Variants in RAB44 observed in about 807,000 individuals in gnomAD.
The protein encoded by RAB44 is ras-related protein Rab-44.
Under a neutral mutation model 93.3 loss-of-function variants are expected in RAB44, and 67 were observed. The observed-to-expected ratio is 0.72, with a 90% CI of 0.59 to 0.88. The LOEUF (loss-of-function observed/expected upper bound fraction) is 0.88, where lower values mean the gene tolerates loss of function less well. RAB44 is among the 40% of genes least tolerant of loss of function. The probability of loss-of-function intolerance (pLI) is 0.00; values close to 1 mark genes in which losing one functional copy is unlikely to be tolerated. For synonymous variants in RAB44, 427 were observed against 520.3 expected, an observed-to-expected ratio of 0.82 and a Z score of 2.44; for missense variants, 1,064 against 1,261.7, an observed-to-expected ratio of 0.84 and a Z score of 2.37.
At chr6:36,714,508 C>T (rs1762866763) in intron 3 of RAB44, among the ~76,000 whole-genome samples, 1 of 152,186 alleles carries the variant, frequency 6.6e-6, no homozygotes, top group Non-Finnish European at 1.5e-5. Flanking sequence ...CAAAGCCCCC[C>T]AGAGTTCTCA....
intron 3 of RAB44, among the ~76,000 whole-genome samples, chr6:36,715,152 G>T (rs1283087085): frequency 1.3e-5 from 2 of 150,298 alleles, no homozygotes; most frequent in Non-Finnish European, 2.9e-5. Flanking sequence ...TCATCTCCAT[G>T]TTAGGGATTT....
At position 36,722,354 on chromosome 6, in the gene RAB44, A is replaced by G. The variant is rs1763111880; in HGVS notation, c.2220A>G (p.Ala740=). The G allele has an allele frequency of 7.5e-7, 1 of 1,330,166 alleles. No individual in the cohort carries two copies. The highest frequency in any genetic ancestry group is 1.5e-5 in the African/African-American group (1 of 67,264). 82.4% of individuals were successfully genotyped at this position (1,330,166 alleles called of 1,614,324 possible). Residue 740 remains alanine, a synonymous_variant, in exon 9 of 14, where the codon GCA becomes GCG. Transcript: ENST00000612677. ...AAGGCCCCACTCCTGGAAAATCGGCACCTCCAAGGGGCTCTCCTCCCAGGG... is the reference window on the plus strand; with the variant it reads ...AAGGCCCCACTCCTGGAAAATCGGCGCCTCCAAGGGGCTCTCCTCCCAGGG... The part of the protein sequence containing the change: ...EAEGPTPGKS[A]PPRGSPPRGA...
At position 36,718,589 on chromosome 6, in the gene RAB44, G is replaced by A. The variant is rs1762987309; in HGVS notation, c.828+1G>A. On this transcript the variant is annotated splice_donor_variant, in intron 7 of 13. Transcript: ENST00000612677. LOFTEE classifies it high-confidence loss of function. ...GCGACTAGCTGAGGGCCAGAGGGAG[G>A]TGAGTAATAGGGTTTCCCAGAAACC... 3 of 1,230,702 alleles carry A rather than the reference G, an allele frequency of 2.4e-6. No homozygotes were observed. The highest frequency in any genetic ancestry group is 8.2e-5 in the South Asian group (2 of 24,328). 76.2% of individuals were successfully genotyped at this position (1,230,702 alleles called of 1,614,324 possible). A position where few individuals can be genotyped will look rare whatever the true frequency, so the allele number is the denominator to read the frequency against.
chr6:36,728,320 A>G (rs1041857917), intron 11 of RAB44, among the ~76,000 whole-genome samples: 1 of 152,228 alleles, frequency 6.6e-6, no homozygotes, highest in Non-Finnish European at 1.5e-5. Flanking sequence ...ATTAATTGAT[A>G]GAATTGCTTT....
Position 36,728,788 on chromosome 6 carries a change from A to G in RAB44, c.2885A>G (p.Gln962Arg). 6.4e-7 allele frequency: 1 copy of G among 1,550,522 alleles called. No homozygotes were observed. The highest frequency in any genetic ancestry group is 8.7e-7 in the Non-Finnish European group (1 of 1,146,906). Residue 962 changes from glutamine to arginine, a missense_variant, in exon 12 of 14, where the codon CAG (glutamine) becomes CGG (arginine). Coordinates refer to ENST00000612677, the MANE Select transcript of RAB44 (RefSeq NM_001257357.2). ...EERQVSVEAGQQLAQELGVYF... is the reference protein window; with the variant it reads ...EERQVSVEAGRQLAQELGVYF... ...CGGCAAGTGTCCGTGGAAGCTGGGC[A>G]GCAACTGGCCCAGGTAAGCACTTGG...
Position 36,720,477 on chromosome 6 carries a change from C to T in RAB44, c.943C>T (p.Gln315Ter), listed in dbSNP as rs547868327. The T allele has an allele frequency of 1.6e-6, 2 of 1,233,172 alleles. No homozygotes were observed. The highest frequency in any genetic ancestry group is 8.2e-5 in the South Asian group (2 of 24,364). 76.4% of individuals were successfully genotyped at this position (1,233,172 alleles called of 1,614,324 possible). ...TGGGCGGCTGGAGGAGGTGCGGGGG[C>T]AGCTGCAGGTGACCAGGGGGCGCCT... ...LAGRLEEVRG[Q>*]LQVTRGRLDA... The change falls in exon 8 of 14, where the codon CAG becomes TAG. Residue 315 changes from glutamine to a stop codon, truncating the protein, a stop_gained. Transcript: ENST00000612677. LOFTEE classifies it high-confidence loss of function.
intron 2 of RAB44, among the ~76,000 whole-genome samples, 158 bp from the exon 3 acceptor site, chr6:36,713,670 T>C (rs1236782707): frequency 2.6e-5 from 4 of 152,048 alleles, no homozygotes; most frequent in Admixed American, 1.3e-4. Flanking sequence ...TGGGTGGGGT[T>C]GGGAATGTCA....
In RAB44 at chr6:36,723,700, T is replaced by C. The variant is rs374093855; in HGVS notation, c.2599+967T>C. On this transcript the variant is annotated intron_variant, in intron 9 of 13. Coordinates refer to ENST00000612677, the MANE Select transcript of RAB44 (RefSeq NM_001257357.2). ...AATACAAAAAATTAGCCGGGCATGG[T>C]GGCGGTTGCTTGTAGTCCCAGCTAC... Among the ~76,000 whole-genome samples the C allele has an allele frequency of 6.3e-4, 95 of 151,740 alleles. 2 individuals carry two copies. Among genetic ancestry groups the C allele is most frequent in the African/African-American group, 2.2e-3 (92 of 41,400 alleles).
chr6:36,725,787 G>A (rs2150340713), intron 9 of RAB44, 75 bp from the exon 10 acceptor site: 6 of 988,724 alleles, frequency 6.1e-6, no homozygotes, highest in African/African-American at 4.8e-5. Flanking sequence ...GGGGACAGGT[G>A]TATACTGGGG....
chr6:36,719,077 G>A (rs764013661), intron 7 of RAB44, among the ~76,000 whole-genome samples: 4 of 152,040 alleles, frequency 2.6e-5, no homozygotes, highest in African/African-American at 4.8e-5. Context: ...CCATCACTGC[G>A]CCCAGCTAAT....
chr6:36,705,103 T>C (rs1186542335), intron 2 of RAB44, among the ~76,000 whole-genome samples: 1 of 122,506 alleles, frequency 8.2e-6, no homozygotes, highest in African/African-American at 3.7e-5. Context: ...CCTGGGTGAC[T>C]CCATCTCAAA....
intron 2 of RAB44, among the ~76,000 whole-genome samples, chr6:36,710,052 C>G (rs1762743652): frequency 6.6e-6 from 1 of 152,184 alleles, no homozygotes; most frequent in Non-Finnish European, 1.5e-5. Context: ...CAATGCATAA[C>G]AGAAAATTTA....
In RAB44 at chr6:36,728,782, C is replaced by G; in HGVS notation, c.2879C>G (p.Ala960Gly). ...CEEERQVSVEAGQQLAQELGV... is the reference protein window; with the variant it reads ...CEEERQVSVEGGQQLAQELGV... ...GAGGAACGGCAAGTGTCCGTGGAAG[C>G]TGGGCAGCAACTGGCCCAGGTAAGC... The change falls in exon 12 of 14, where the codon GCT becomes GGT. Residue 960 changes from alanine to glycine, a missense_variant. Ala to Gly is a moderately conservative substitution (Grantham distance 60). Transcript: ENST00000612677. 2 of 1,550,582 alleles carry G rather than the reference C, an allele frequency of 1.3e-6. No individual in the cohort carries two copies. Among genetic ancestry groups the G allele is most frequent in the Non-Finnish European group, 1.7e-6 (2 of 1,146,952 alleles).
intron 2 of RAB44, among the ~76,000 whole-genome samples, chr6:36,712,319 C>A (rs1762808334): frequency 6.6e-6 from 1 of 152,144 alleles, no homozygotes. Context: ...GAAAACTCAC[C>A]AATCCAGATC....
chr6:36,706,792 T>A (rs1762660544), intron 2 of RAB44, among the ~76,000 whole-genome samples: 1 of 151,786 alleles, frequency 6.6e-6, no homozygotes, highest in African/African-American at 2.4e-5. Context: ...AGTGGTGCGA[T>A]CTTGGCTCAT....
Position 36,718,028 on chromosome 6 carries a change from G to A in RAB44, c.642G>A (p.Lys214=). Reference sequence around the variant, plus strand: ...TGGCCCCAACTCCTGCTCCTCCCAGGCGTGACTCTGACCACCACCGCGAGG... The same window carrying A: ...TGGCCCCAACTCCTGCTCCTCCCAGACGTGACTCTGACCACCACCGCGAGG... The part of the protein sequence containing the change: ...DKEALELTLR[K]RDSDHHREVQ... Residue 214 remains lysine, a splice_region_variant and synonymous_variant, in exon 6 of 14, where the codon AAG becomes AAA. Coordinates refer to ENST00000612677, the MANE Select transcript of RAB44 (RefSeq NM_001257357.2). The A allele has an allele frequency of 8.1e-7, 1 of 1,231,926 alleles. No individual in the cohort carries two copies. Among genetic ancestry groups the A allele is most frequent in the African/African-American group, 1.6e-5 (1 of 64,464 alleles). The allele number at this position is 1,231,926 out of a possible 1,614,324, so 76.3% of individuals were successfully genotyped here.
At chr6:36,716,950 G>A (rs1048570285) in intron 4 of RAB44, among the ~76,000 whole-genome samples, 6 of 152,256 alleles carry the variant, frequency 3.9e-5, no homozygotes, top group Admixed American at 2.6e-4. Flanking sequence ...ACTTGCTGGA[G>A]GTCACACAGC....
In RAB44 at chr6:36,727,623, G is replaced by T; in HGVS notation, c.2728G>T (p.Val910Leu). 2 of 1,550,576 alleles carry T rather than the reference G, an allele frequency of 1.3e-6. No homozygotes were observed. Among genetic ancestry groups the T allele is most frequent in the Non-Finnish European group, 8.7e-7 (1 of 1,146,982 alleles). Residue 910 changes from valine to leucine, a missense_variant, in exon 11 of 14, where the codon GTG (valine) becomes TTG (leucine). Coordinates refer to ENST00000612677, the MANE Select transcript of RAB44 (RefSeq NM_001257357.2). ...RQLLRKADGV[V>L]LMYDITSQES... ...GCTGCTCCGCAAGGCTGACGGGGTGGTGCTCATGTACGACATCACCTCCCA... is the reference window on the plus strand; with the variant it reads ...GCTGCTCCGCAAGGCTGACGGGGTGTTGCTCATGTACGACATCACCTCCCA...
chr6:36,722,340 C>A lies in RAB44; in HGVS notation c.2206C>A (p.Pro736Thr). 7.4e-7 allele frequency: 1 copy of A among 1,344,444 alleles called. No individual in the cohort carries two copies. 83.3% of individuals were successfully genotyped at this position (1,344,444 alleles called of 1,614,324 possible). A position where few individuals can be genotyped will look rare whatever the true frequency, so the allele number is the denominator to read the frequency against. Residue 736 changes from proline (P) to threonine (T), a missense_variant, in exon 9 of 14, where the codon CCT becomes ACT. Transcript: ENST00000612677. ...QAQVEAEGPT[P>T]GKSAPPRGSP... Reference sequence around the variant, plus strand: ...TCAGGTGGAAGCAGAAGGCCCCACTCCTGGAAAATCGGCACCTCCAAGGGG... The same window carrying A: ...TCAGGTGGAAGCAGAAGGCCCCACTACTGGAAAATCGGCACCTCCAAGGGG...
Sources: allele counts gnomAD v4.1 joint callset (sites outside exome capture counted in the v4.1 genomes callset), GRCh38; gene constraint gnomAD v4.1.1; transcripts MANE v1.5; gene names NCBI Gene and HGNC (gene_info 2026-07-23, HGNC 2026-07-21).